MTAP: variants seen among roughly 807,000 people sequenced by gnomAD.
MTAP encodes methylthioadenosine phosphorylase.
A neutral mutation model predicts 33.6 loss-of-function variants in MTAP; 33 were observed. That is an observed-to-expected ratio of 0.98 (90% confidence interval 0.74 to 1.31). The LOEUF (loss-of-function observed/expected upper bound fraction) is 1.31. Ranked by LOEUF, MTAP falls within the 40% of genes most tolerant of loss-of-function variation. The pLI is 0.00. For missense variants in MTAP, 367 were observed against 360.0 expected (o/e 1.02, Z -0.16); for synonymous variants, 148 against 125.7 (o/e 1.18, Z -1.19).
At chr9:21,844,140 A>G (rs1825319122) in intron 5 of MTAP, among the ~76,000 whole-genome samples, 1 of 152,208 alleles carries the variant, frequency 6.6e-6, no homozygotes, top group South Asian at 2.1e-4. Flanking sequence ...GGAGATGAGT[A>G]AATTCTTGGA....
chr9:21,831,524 A>G (rs1487283485), intron 4 of MTAP, among the ~76,000 whole-genome samples: 2 of 151,770 alleles, frequency 1.3e-5, no homozygotes, highest in East Asian at 3.9e-4. Flanking sequence ...ATGGGGTCTC[A>G]CTATGTTGCC....
intron 1 of MTAP, among the ~76,000 whole-genome samples, chr9:21,920,103 A>C (rs776618165): frequency 6.6e-6 from 1 of 152,194 alleles, no homozygotes; most frequent in Non-Finnish European, 1.5e-5. Flanking sequence ...GAATTAGACT[A>C]GAGTAGATTT....
intron 1 of MTAP, among the ~76,000 whole-genome samples, chr9:21,897,148 G>A (rs1818309446): frequency 6.6e-6 from 1 of 152,180 alleles, no homozygotes; most frequent in Non-Finnish European, 1.5e-5. Flanking sequence ...TATCTCAATA[G>A]ATGCAGAAAA....
intron 1 of MTAP, among the ~76,000 whole-genome samples, chr9:21,921,164 T>A (rs1190473282): frequency 6.6e-6 from 1 of 152,022 alleles, no homozygotes; most frequent in Non-Finnish European, 1.5e-5. Context: ...TCTTTTAGAT[T>A]TTCCAAAAGA....
At chr9:21,874,499 G>A (rs1356260080) in intron 1 of MTAP, among the ~76,000 whole-genome samples, 1 of 151,968 alleles carries the variant, frequency 6.6e-6, no homozygotes, top group Non-Finnish European at 1.5e-5. Context: ...TTTAGTAAAT[G>A]TCCTTGAATG....
chr9:21,852,604 T>C (rs574276724), intron 5 of MTAP, among the ~76,000 whole-genome samples: 1 of 151,438 alleles, frequency 6.6e-6, no homozygotes, highest in Admixed American at 6.6e-5. Context: ...TTGGGTATAG[T>C]GTACATTTCT....
At chr9:21,872,187 C>T (rs1825947442) in intron 1 of MTAP, among the ~76,000 whole-genome samples, 1 of 152,132 alleles carries the variant, frequency 6.6e-6, no homozygotes, top group African/African-American at 2.4e-5. Context: ...ATGGTAGGCA[C>T]CTGTAATCCC....
chr9:21,854,717 C>A lies in MTAP; in HGVS notation c.537C>A (p.Ser179=). 6.2e-7 allele frequency: 1 copy of A among 1,614,084 alleles called. No individual in the cohort carries two copies. Among genetic ancestry groups the A allele is most frequent in the Non-Finnish European group, 8.5e-7 (1 of 1,179,964 alleles). ...MVTIEGPRFS[S]RAESFMFRTW... ...CAATCGAGGGACCTCGTTTTAGCTCCCGGGCAGAAAGCTTCATGTTCCGCA... is the reference window on the plus strand; with the variant it reads ...CAATCGAGGGACCTCGTTTTAGCTCACGGGCAGAAAGCTTCATGTTCCGCA... The change falls in exon 6 of 8, where the codon TCC becomes TCA. Residue 179 remains serine, a synonymous_variant. Coordinates refer to ENST00000644715, the MANE Select transcript of MTAP (RefSeq NM_002451.4).
At chr9:21,877,181 A>C (rs2118677686) in intron 1 of MTAP, among the ~76,000 whole-genome samples, 2 of 151,824 alleles carry the variant, frequency 1.3e-5, no homozygotes, top group Middle Eastern at 6.8e-3. Flanking sequence ...GGTGTATAGG[A>C]ATGCTAGTAA....
exon 2 of MTAP, chr9:21,931,161 T>C (rs1293340963): frequency 2.7e-6 from 2 of 751,744 alleles, no homozygotes; most frequent in Non-Finnish European, 4.9e-6. Flanking sequence ...TGGATACTGC[T>C]TCCAACAACC....
chr9:21,930,668 A>G, intron 1 of MTAP: 1 of 510,626 alleles, frequency 2.0e-6, no homozygotes, highest in East Asian at 3.2e-5. Context: ...GGCCAGAGCA[A>G]ATTAACACTT....
chr9:21,883,406 A>C (rs1818049672), intron 1 of MTAP, among the ~76,000 whole-genome samples: 1 of 152,114 alleles, frequency 6.6e-6, no homozygotes, highest in Admixed American at 6.6e-5. Context: ...GTGGAGCATC[A>C]AGAGTTCTCA....
intron 2 of MTAP, 71 bp downstream of exon 2, chr9:21,815,590 T>TA (rs4007652): frequency 0.059 from 42,730 of 722,290 alleles, 26 homozygotes; most frequent in East Asian, 0.085. Context: ...ATTTTTGAAT[T>TA]AAAAAAAAAA....
At chr9:21,838,324 C>T (rs1434545309) in intron 5 of MTAP, among the ~76,000 whole-genome samples, 1 of 152,186 alleles carries the variant, frequency 6.6e-6, no homozygotes, top group East Asian at 1.9e-4. Context: ...AGCCAGATTA[C>T]TTAGGATCAA....
Position 21,864,369 on chromosome 9 carries a change from A to G in MTAP, c.*2355A>G, listed in dbSNP as rs569934092. The G allele has an allele frequency of 5.1e-6, 5 of 984,990 alleles. No individual in the cohort carries two copies. In the African/African-American group the frequency reaches 8.7e-5, roughly 17 times the overall value. 61.0% of individuals were successfully genotyped at this position (984,990 alleles called of 1,614,324 possible). A position where few individuals can be genotyped will look rare whatever the true frequency, so the allele number is the denominator to read the frequency against. ...GTACTAATTTTTTTTTTTTAATTTAAGCTAGTATACTAAGTGAACACCATG... is the reference window on the plus strand; with the variant it reads ...GTACTAATTTTTTTTTTTTAATTTAGGCTAGTATACTAAGTGAACACCATG... On this transcript the variant is annotated 3_prime_UTR_variant, in exon 8 of 8. Transcript: ENST00000644715.
intron 1 of MTAP, among the ~76,000 whole-genome samples, chr9:21,899,556 G>A (rs200926044): frequency 6.6e-6 from 1 of 152,140 alleles, no homozygotes; most frequent in Admixed American, 6.5e-5. Flanking sequence ...GAAACTTACA[G>A]TCATGGTGGA....
intron 1 of MTAP, 135 bp downstream of exon 1, chr9:21,802,916 C>CGA: frequency 2.1e-6 from 3 of 1,446,744 alleles, no homozygotes. Context: ...GACTGGGGCG[C>CGA]GGCACTCGGG....
At chr9:21,847,385 T>G (rs1363468942) in intron 5 of MTAP, among the ~76,000 whole-genome samples, 3 of 152,236 alleles carry the variant, frequency 2.0e-5, no homozygotes, top group Non-Finnish European at 2.9e-5. Flanking sequence ...AGTTCTTTTA[T>G]TGGTATGAGG....
intron 1 of MTAP, among the ~76,000 whole-genome samples, chr9:21,900,325 A>G (rs1039773541): frequency 2.0e-5 from 3 of 152,226 alleles, no homozygotes; most frequent in African/African-American, 7.2e-5. Flanking sequence ...AAACAAATTA[A>G]CAAGGAAAAA....
Sources: gnomAD v4.1 joint callset for allele counts (sites outside exome capture counted in the v4.1 genomes callset) on GRCh38, gnomAD v4.1.1 for gene constraint, MANE v1.5 for transcripts, NCBI Gene and HGNC (gene_info 2026-07-23, HGNC 2026-07-21) for gene names.